Variants in B4GALT4 observed in about 807,000 individuals in gnomAD.
B4GALT4 encodes N-acetyllactosamine synthase.
Under a neutral mutation model 37.3 loss-of-function variants are expected in B4GALT4, and 27 were observed. The ratio of observed to expected loss-of-function variants is 0.72; its 90% CI spans 0.53 to 1.00. B4GALT4 has a LOEUF of 1.00. Ranked by LOEUF, B4GALT4 falls within the 50% of genes least tolerant of loss-of-function variation. B4GALT4 has a pLI of 0.00. For synonymous variants in B4GALT4, 148 were observed against 154.1 expected (o/e 0.96, Z 0.29); for missense variants, 372 against 413.1 (o/e 0.90, Z 0.86).
rs148339179 is a variant in B4GALT4, at chr3:119,219,190, T to C, written c.675-418A>G. ...GCACGAATGCGTGTCATGATGAATATACCTTTCTTTTTTTTCACTTTCACT... is the reference window on the plus strand; with the variant it reads ...GCACGAATGCGTGTCATGATGAATACACCTTTCTTTTTTTTCACTTTCACT... On this transcript the variant is annotated intron_variant, in intron 5 of 7. Transcript: ENST00000393765. 2.9e-3 allele frequency among the ~76,000 whole-genome samples: 444 copies of C among 152,288 alleles called. 9 individuals are homozygous for C. The highest frequency in any genetic ancestry group is 1.9e-3 in the Non-Finnish European group (132 of 68,014).
chr3:119,218,781 A>T lies in B4GALT4; in HGVS notation c.675-9T>A. 6.2e-7 allele frequency: 1 copy of T among 1,613,944 alleles called. No homozygotes were observed. The highest frequency in any genetic ancestry group is 2.2e-5 in the East Asian group (1 of 44,868). On this transcript the variant is annotated splice_polypyrimidine_tract_variant and intron_variant, in intron 5 of 7. Coordinates refer to ENST00000393765, the MANE Select transcript of B4GALT4 (RefSeq NM_003778.4). ...ATCCACTGTAACGTAACCTGGAGCA[A>T]AAGAGATGAGAGAAATGGTAAGAAT...
In B4GALT4 at chr3:119,212,503, G is replaced by C; in HGVS notation, c.*46C>G. The C allele has an allele frequency of 1.3e-6, 2 of 1,540,186 alleles. No individual in the cohort carries two copies. The highest frequency in any genetic ancestry group is 1.7e-6 in the Non-Finnish European group (2 of 1,145,990). ...TTGAAGTCTCTAGGCCAAAATTATT[G>C]CAAACAAAGAATCAGTTCTTCCAAA... On this transcript the variant is annotated 3_prime_UTR_variant, in exon 8 of 8. Coordinates refer to ENST00000393765, the MANE Select transcript of B4GALT4 (RefSeq NM_003778.4).
At chr3:119,220,209 T>C (rs2078408898) in intron 5 of B4GALT4, among the ~76,000 whole-genome samples, 1 of 152,244 alleles carries the variant, frequency 6.6e-6, no homozygotes, top group African/African-American at 2.4e-5. Flanking sequence ...AGAAGGTAAA[T>C]ATCACTGACC....
chr3:119,222,337 CAA>C (rs2078473396), intron 5 of B4GALT4, among the ~76,000 whole-genome samples: 1 of 152,144 alleles, frequency 6.6e-6, no homozygotes, highest in African/African-American at 2.4e-5. Flanking sequence ...AACCAGAAAA[CAA>C]AACCCCTAGA....
Position 119,212,942 on chromosome 3 carries a change from GA to G in B4GALT4, c.903-262del, listed in dbSNP as rs148249738. ...CAGTGAGCCCCCAGTCTACAGGACA[GA>G]AGGATGTGCAAGGAATACAGATACT... On this transcript the variant is annotated intron_variant, in intron 7 of 7. Transcript: ENST00000393765. 5.6e-3 allele frequency: 2,096 copies of G among 372,398 alleles called. 9 individuals are homozygous for G. Among genetic ancestry groups the G allele is most frequent in the Non-Finnish European group, 8.1e-3 (1,682 of 207,910 alleles). The allele number at this position is 372,398 out of a possible 1,614,324, so 23.1% of individuals were successfully genotyped here.
At chr3:119,220,641 G>A (rs1050824290) in intron 5 of B4GALT4, among the ~76,000 whole-genome samples, 2 of 152,160 alleles carry the variant, frequency 1.3e-5, no homozygotes, top group African/African-American at 2.4e-5. Flanking sequence ...GCTGCCCGAC[G>A]ACCACCTGGA....
chr3:119,219,210 TTCAC>T (rs1383499503), intron 5 of B4GALT4, among the ~76,000 whole-genome samples: 1 of 152,170 alleles, frequency 6.6e-6, no homozygotes, highest in Non-Finnish European at 1.5e-5. Context: ...TTTTTTCACT[TTCAC>T]TTTTGCAGGG....
chr3:119,211,916 G>T lies in B4GALT4; in HGVS notation c.*633C>A. On this transcript the variant is annotated 3_prime_UTR_variant, in exon 8 of 8. Transcript: ENST00000393765. ...GGGCATCACTGGAAGGCATACCTGG[G>T]CAGGTCCTCCCCTGAAGGCTATCAG... is the stretch of plus-strand genomic sequence containing the variant. 1 of 498,522 alleles carries T rather than the reference G, an allele frequency of 2.0e-6. No individual in the cohort carries two copies. The highest frequency in any genetic ancestry group is 3.6e-6 in the Non-Finnish European group (1 of 281,214). The allele number at this position is 498,522 out of a possible 1,614,324, so 30.9% of individuals were successfully genotyped here. A position where few individuals can be genotyped will look rare whatever the true frequency, so the allele number is the denominator to read the frequency against.
chr3:119,219,871 A>G (rs914634718), intron 5 of B4GALT4, among the ~76,000 whole-genome samples: 4 of 152,268 alleles, frequency 2.6e-5, no homozygotes, highest in African/African-American at 9.6e-5. Context: ...GGATGTTACT[A>G]AATAAAAAGA....
intron 1 of B4GALT4, among the ~76,000 whole-genome samples, chr3:119,238,580 A>G (rs2079054336): frequency 6.6e-6 from 1 of 152,200 alleles, no homozygotes; most frequent in Admixed American, 6.5e-5. Context: ...GATGACATTC[A>G]TATCTTTTAT....
At chr3:119,220,420 C>T in intron 5 of B4GALT4, among the ~76,000 whole-genome samples, 1 of 152,234 alleles carries the variant, frequency 6.6e-6, no homozygotes, top group East Asian at 1.9e-4. Flanking sequence ...TCGCCATGTG[C>T]AAGACGGCTG....
chr3:119,225,948 C>T (rs2078603797), intron 4 of B4GALT4, among the ~76,000 whole-genome samples: 1 of 152,330 alleles, frequency 6.6e-6, no homozygotes, highest in East Asian at 1.9e-4. Flanking sequence ...CAAGTCTATA[C>T]TGCAGAGCTG....
At chr3:119,222,658 G>A (rs746285783) in intron 5 of B4GALT4, among the ~76,000 whole-genome samples, 17 of 152,116 alleles carry the variant, frequency 1.1e-4, no homozygotes, top group African/African-American at 3.4e-4. Flanking sequence ...GCCTCTCCTC[G>A]CAGACATTCC....
Position 119,229,845 on chromosome 3 carries a change from A to C in B4GALT4, c.253+2T>G. On this transcript the variant is annotated splice_donor_variant, in intron 3 of 7. Coordinates refer to ENST00000393765, the MANE Select transcript of B4GALT4 (RefSeq NM_003778.4). LOFTEE classifies it high-confidence loss of function. ...TAATCAAAGGAAAAAAGCAACACTT[A>C]CTGAGGTAAGGAGACACAGAAGGGC... The C allele has an allele frequency of 6.2e-7, 1 of 1,613,298 alleles. No individual in the cohort carries two copies. The highest frequency in any genetic ancestry group is 8.5e-7 in the Non-Finnish European group (1 of 1,179,462).
intron 1 of B4GALT4, among the ~76,000 whole-genome samples, chr3:119,238,865 C>G (rs1441817768): frequency 2.6e-5 from 4 of 152,134 alleles, no homozygotes; most frequent in Admixed American, 2.6e-4. Flanking sequence ...ATTCATATAA[C>G]CTTTAAGAAA....
chr3:119,212,591 A>C lies in B4GALT4; in HGVS notation c.993T>G (p.Pro331=), dbSNP rs757080098. ...SYKLVSVEHN[P]LYINITVDFW... is the part of the protein sequence containing the mutation. ...AATCCACTGTGATGTTGATATATAA[A>C]GGATTGTGTTCCACAGATACTAATT... The change falls in exon 8 of 8, where the codon CCT becomes CCG. Residue 331 remains proline, a synonymous_variant. Coordinates refer to ENST00000393765, the MANE Select transcript of B4GALT4 (RefSeq NM_003778.4). 1 of 1,612,142 alleles carries C rather than the reference A, an allele frequency of 6.2e-7. No homozygotes were observed. The highest frequency in any genetic ancestry group is 1.1e-5 in the South Asian group (1 of 90,434).
intron 4 of B4GALT4, chr3:119,226,562 C>T (rs2107506758): frequency 2.0e-6 from 1 of 495,096 alleles, no homozygotes; most frequent in Admixed American, 3.5e-5. Context: ...CATGGAAGGG[C>T]TCACAAAACA....
chr3:119,227,624 C>T (rs774663313), intron 3 of B4GALT4, among the ~76,000 whole-genome samples: 3 of 152,176 alleles, frequency 2.0e-5, no homozygotes, highest in Non-Finnish European at 4.4e-5. Context: ...TTTGCCACCA[C>T]AACAGACGTT....
At chr3:119,226,049 G>T (rs1336266306) in intron 4 of B4GALT4, among the ~76,000 whole-genome samples, 1 of 152,182 alleles carries the variant, frequency 6.6e-6, no homozygotes, top group Admixed American at 6.5e-5. Flanking sequence ...GAATTTATAA[G>T]AATTTGAGGG....
Sources: allele counts gnomAD v4.1 joint callset (sites outside exome capture counted in the v4.1 genomes callset), GRCh38; gene constraint gnomAD v4.1.1; transcripts MANE v1.5; gene names NCBI Gene and HGNC (gene_info 2026-07-23, HGNC 2026-07-21).